Variants in DIP2B observed in about 807,000 individuals in gnomAD.
The protein encoded by DIP2B is disco-interacting protein 2 homolog B.
DIP2B carries 76 observed loss-of-function variants against 198.0 expected under a neutral mutation model. The ratio of observed to expected loss-of-function variants is 0.38; its 90% CI spans 0.32 to 0.46. The LOEUF (loss-of-function observed/expected upper bound fraction) is 0.46, where lower values mean the gene tolerates loss of function less well. Among genes scored for constraint, DIP2B ranks in the 20% least tolerant of loss-of-function variants. DIP2B has a pLI of 0.99. For missense variants in DIP2B, 1,559 were observed against 1,978.4 expected (o/e 0.79, Z 4.02); for synonymous variants, 701 against 739.1 (o/e 0.95, Z 0.84).
intron 35 of DIP2B, among the ~76,000 whole-genome samples, chr12:50,738,305 A>T (rs928828748): frequency 2.0e-5 from 3 of 151,884 alleles, no homozygotes; most frequent in African/African-American, 4.8e-5. Context: ...CTCCAGCCTG[A>T]TGACAGAGCA....
At chr12:50,545,732 T>C (rs1437782473) in intron 1 of DIP2B, among the ~76,000 whole-genome samples, 1 of 150,478 alleles carries the variant, frequency 6.6e-6, no homozygotes, top group Admixed American at 6.7e-5. Context: ...GCCTCCTGGG[T>C]TCTAGTGATT....
intron 4 of DIP2B, among the ~76,000 whole-genome samples, chr12:50,662,814 A>G (rs189946187): frequency 9.8e-5 from 15 of 152,286 alleles, no homozygotes; most frequent in African/African-American, 3.4e-4. Context: ...CTGGCCAGCT[A>G]CCAAAGTGAC....
At chr12:50,710,551 G>A (rs940755067) in intron 22 of DIP2B, among the ~76,000 whole-genome samples, 3 of 152,014 alleles carry the variant, frequency 2.0e-5, no homozygotes, top group Non-Finnish European at 2.9e-5. Context: ...AGACTCCCAA[G>A]TAGCTGGAAT....
In DIP2B at chr12:50,731,498, CT is replaced by C; in HGVS notation, c.3772del (p.Cys1258AlafsTer12). On this transcript the variant is annotated frameshift_variant, in exon 31 of 38. Coordinates refer to ENST00000301180, the MANE Select transcript of DIP2B (RefSeq NM_173602.3). LOFTEE classifies it high-confidence loss of function. Reference protein sequence around the residue: ...TFCSYSVMELCTKGLGNQVEV... With the variant: ...TFCSYSVMELXTKGLGNQVEV... ...TCTGCTCCTATTCAGTGATGGAGCT[CT>C]GCACCAAAGGTCTTGGGAACCAAGT... 6.2e-7 allele frequency: 1 copy of C among 1,614,064 alleles called. No individual in the cohort carries two copies. Among genetic ancestry groups the C allele is most frequent in the Non-Finnish European group, 8.5e-7 (1 of 1,179,960 alleles).
At chr12:50,642,992 G>A (rs7956980) in intron 3 of DIP2B, among the ~76,000 whole-genome samples, 20 of 152,150 alleles carry the variant, frequency 1.3e-4, no homozygotes, top group East Asian at 5.8e-4. Flanking sequence ...GTTTTTAGCC[G>A]TCACAGCTTT....
rs372698618 is a variant in DIP2B, at chr12:50,741,406, T to A, written c.4355-10T>A. 66 of 1,613,098 alleles carry A rather than the reference T, an allele frequency of 4.1e-5. No homozygotes were observed. In the Middle Eastern group the frequency reaches 6.6e-4, roughly 16 times the overall value. Reference sequence around the variant, plus strand: ...TCCAAGCCACATTTCTCTCTTTTTCTTTCTGTCAGAGCGTCATGATGCATT... The same window carrying A: ...TCCAAGCCACATTTCTCTCTTTTTCATTCTGTCAGAGCGTCATGATGCATT... On this transcript the variant is annotated splice_polypyrimidine_tract_variant and intron_variant, in intron 36 of 37. Coordinates refer to ENST00000301180, the MANE Select transcript of DIP2B (RefSeq NM_173602.3).
intron 7 of DIP2B, among the ~76,000 whole-genome samples, chr12:50,676,427 G>A (rs773980657): frequency 6.6e-6 from 1 of 152,170 alleles, no homozygotes; most frequent in Non-Finnish European, 1.5e-5. Flanking sequence ...GTTAAGATGA[G>A]TATCTGTTTT....
chr12:50,724,823 C>T lies in DIP2B; in HGVS notation c.3337C>T (p.Leu1113=). 1.9e-6 allele frequency: 3 copies of T among 1,614,188 alleles called. No homozygotes were observed. Among genetic ancestry groups the T allele is most frequent in the Non-Finnish European group, 2.5e-6 (3 of 1,180,026 alleles). Reference sequence around the variant, plus strand: ...CACCAGTCAGACCCTAATGAGGCTACTGAGGTCCCGAGAGGCAGCAGCAGC... The same window carrying T: ...CACCAGTCAGACCCTAATGAGGCTATTGAGGTCCCGAGAGGCAGCAGCAGC... ...ILTSQTLMRL[L]RSREAAAAVD... Residue 1113 remains leucine, a synonymous_variant, in exon 28 of 38, where the codon CTG becomes TTG. Transcript: ENST00000301180.
At chr12:50,646,371 T>C (rs1938351359) in intron 3 of DIP2B, among the ~76,000 whole-genome samples, 1 of 151,900 alleles carries the variant, frequency 6.6e-6, no homozygotes, top group Non-Finnish European at 1.5e-5. Context: ...TCCGCCTGCC[T>C]TGACCTACCA....
intron 21 of DIP2B, 52 bp from the exon 22 acceptor site, chr12:50,708,396 A>G: frequency 6.6e-7 from 1 of 1,511,410 alleles, no homozygotes; most frequent in South Asian, 1.2e-5. Context: ...AAACAAAACA[A>G]ATAGGACTGG....
At chr12:50,590,770 A>T (rs1355446616) in intron 1 of DIP2B, among the ~76,000 whole-genome samples, 1 of 152,214 alleles carries the variant, frequency 6.6e-6, no homozygotes, top group Non-Finnish European at 1.5e-5. Context: ...TTTAGACTTT[A>T]ATATAAAATG....
intron 3 of DIP2B, among the ~76,000 whole-genome samples, chr12:50,659,679 T>C (rs549132425): frequency 6.6e-6 from 1 of 152,258 alleles, no homozygotes; most frequent in Admixed American, 6.5e-5. Flanking sequence ...TGCCCTTATG[T>C]TTTTCTAGAT....
chr12:50,623,136 C>T (rs1475716151), intron 1 of DIP2B, among the ~76,000 whole-genome samples: 4 of 151,938 alleles, frequency 2.6e-5, no homozygotes, highest in Non-Finnish European at 4.4e-5. Context: ...GTAATTCTAG[C>T]ACTTTGGGAG....
At position 50,653,328 on chromosome 12, in the gene DIP2B, CT is replaced by C. The variant is rs71086465; in HGVS notation, c.302-6854del. On this transcript the variant is annotated intron_variant, in intron 3 of 37. Coordinates refer to ENST00000301180, the MANE Select transcript of DIP2B (RefSeq NM_173602.3). ...TAATGATTCATAGTAGTCTTTCTTT[CT>C]TTTTTTTTTTTCTTTTCTTTTTTTT... is the stretch of plus-strand genomic sequence containing the variant. Among the ~76,000 whole-genome samples the C allele has an allele frequency of 4.6e-4, 54 of 116,294 alleles. No individual in the cohort carries two copies. In the East Asian group the frequency reaches 7.1e-3, roughly 15 times the overall value. The allele number at this position is 116,294 out of a possible 152,430, so 76.3% of individuals were successfully genotyped here. A position where few individuals can be genotyped will look rare whatever the true frequency, so the allele number is the denominator to read the frequency against.
At chr12:50,587,597 ACT>A (rs1958781977) in intron 1 of DIP2B, among the ~76,000 whole-genome samples, 1 of 151,596 alleles carries the variant, frequency 6.6e-6, no homozygotes, top group Non-Finnish European at 1.5e-5. Context: ...ATTTGTCAAT[ACT>A]CTCTCAGTAT....
At chr12:50,654,904 G>C (rs1315709110) in intron 3 of DIP2B, 2 of 368,008 alleles carry the variant, frequency 5.4e-6, no homozygotes, top group Non-Finnish European at 1.1e-5. Context: ...GGGGAAGTAG[G>C]TATACCTGTA....
At chr12:50,571,301 A>T (rs553390901) in intron 1 of DIP2B, among the ~76,000 whole-genome samples, 21 of 151,318 alleles carry the variant, frequency 1.4e-4, no homozygotes, top group African/African-American at 4.4e-4. Flanking sequence ...CCTCCCGAGT[A>T]GCTGGGACTA....
intron 37 of DIP2B, among the ~76,000 whole-genome samples, chr12:50,742,756 C>T (rs868437102): frequency 6.6e-6 from 1 of 152,050 alleles, no homozygotes; most frequent in Non-Finnish European, 1.5e-5. Flanking sequence ...ATTAGCTGGA[C>T]GCAGTGGCAG....
At chr12:50,588,873 T>C (rs565869509) in intron 1 of DIP2B, among the ~76,000 whole-genome samples, 25 of 152,276 alleles carry the variant, frequency 1.6e-4, no homozygotes, top group African/African-American at 5.5e-4. Flanking sequence ...AATGAGACGA[T>C]TGCTGTCTCA....
Sources: gnomAD v4.1 joint callset for allele counts (sites outside exome capture counted in the v4.1 genomes callset) on GRCh38, gnomAD v4.1.1 for gene constraint, MANE v1.5 for transcripts, NCBI Gene and HGNC (gene_info 2026-07-23, HGNC 2026-07-21) for gene names.